The following PPP2R5C variants were observed in gnomAD, a reference collection of about 807,000 sequenced individuals.
PPP2R5C encodes serine/threonine-protein phosphatase 2A 56 kDa regulatory subunit gamma isoform.
PPP2R5C carries 7 observed loss-of-function variants against 68.9 expected under a neutral mutation model. The observed-to-expected ratio is 0.10, with a 90% CI of 0.06 to 0.19. PPP2R5C has a LOEUF of 0.19. Among genes scored for constraint, PPP2R5C ranks in the 10% least tolerant of loss-of-function variants. The pLI is 1.00. For missense variants in PPP2R5C, 348 were observed against 641.3 expected, an observed-to-expected ratio of 0.54 and a Z score of 4.94; for synonymous variants, 210 against 222.2, an observed-to-expected ratio of 0.95 and a Z score of 0.49.
At chr14:101,867,938 G>A (rs1396656604) in intron 2 of PPP2R5C, among the ~76,000 whole-genome samples, 4 of 152,056 alleles carry the variant, frequency 2.6e-5, no homozygotes, top group Admixed American at 6.5e-5. Flanking sequence ...TGACTTACAC[G>A]TTTTATGGGC....
At chr14:101,904,474 A>G (rs1164992410) in intron 9 of PPP2R5C, among the ~76,000 whole-genome samples, 1 of 152,192 alleles carries the variant, frequency 6.6e-6, no homozygotes, top group Non-Finnish European at 1.5e-5. Context: ...TTAAAGTACA[A>G]GGTATTGAAC....
At chr14:101,788,290 T>G (rs1428770688) in intron 3 of PPP2R5C, among the ~76,000 whole-genome samples, 2 of 152,224 alleles carry the variant, frequency 1.3e-5, no homozygotes, top group Non-Finnish European at 2.9e-5. Flanking sequence ...CTGAATTTGG[T>G]CAAATGCCAT....
At chr14:101,845,676 G>A (rs1259827009) in intron 1 of PPP2R5C, among the ~76,000 whole-genome samples, 2 of 152,158 alleles carry the variant, frequency 1.3e-5, no homozygotes, top group East Asian at 1.9e-4. Context: ...TTCTTCATAT[G>A]CAAATAAAAC....
intron 2 of PPP2R5C, among the ~76,000 whole-genome samples, chr14:101,776,337 A>G (rs1362247658): frequency 6.6e-6 from 1 of 152,110 alleles, no homozygotes; most frequent in Non-Finnish European, 1.5e-5. Context: ...GGAAGAATCA[A>G]GTCCTTTTTT....
intron 13 of PPP2R5C, among the ~76,000 whole-genome samples, chr14:101,924,581 T>TC (rs2047196739): frequency 6.6e-6 from 1 of 151,738 alleles, no homozygotes; most frequent in Non-Finnish European, 1.5e-5. Flanking sequence ...TAGCTGGGAT[T>TC]ACAGGCGCGC....
rs2046154721 is a variant in PPP2R5C, at chr14:101,908,005, A to C, written c.1151+1476A>C. Among the ~76,000 whole-genome samples, 3 of 152,304 alleles carry C rather than the reference A, an allele frequency of 2.0e-5. No individual in the cohort carries two copies. In the South Asian group the frequency reaches 6.2e-4, roughly 32 times the overall value. On this transcript the variant is annotated intron_variant, in intron 10 of 13. Transcript: ENST00000334743. ...AGAGAAGGGCAGGCAGATCAGAGTG[A>C]GGATGACTTTGGTTCACATTCCTGC...
chr14:101,780,708 G>A (rs1317939141), intron 2 of PPP2R5C, among the ~76,000 whole-genome samples: 1 of 152,172 alleles, frequency 6.6e-6, no homozygotes, highest in Non-Finnish European at 1.5e-5. Flanking sequence ...GTTCAGGCTG[G>A]ACTTTCCGGC....
At chr14:101,918,491 C>A (rs1426506686) in intron 13 of PPP2R5C, among the ~76,000 whole-genome samples, 87 of 46,226 alleles carry the variant, frequency 1.9e-3, no homozygotes, top group African/African-American at 8.5e-3. Flanking sequence ...CCCACCCCTC[C>A]CCCCACCCCT....
chr14:101,764,049 C>T (rs1425649973), intron 2 of PPP2R5C, among the ~76,000 whole-genome samples: 1 of 140,824 alleles, frequency 7.1e-6, no homozygotes, highest in Non-Finnish European at 1.6e-5. Flanking sequence ...ACTTGCGCGT[C>T]GGCCACTTGT....
chr14:101,890,217 G>A lies in PPP2R5C; in HGVS notation c.630-20G>A. The A allele has an allele frequency of 6.2e-7, 1 of 1,602,118 alleles. No homozygotes were observed. Among genetic ancestry groups the A allele is most frequent in the Middle Eastern group, 1.7e-4 (1 of 6,044 alleles). ...GGTTAGTTCAGTGTCTAATTCTAAT[G>A]GGAAAATTGTTTTTTCTAGGTTTAT... On this transcript the variant is annotated intron_variant, in intron 5 of 13. Transcript: ENST00000334743.
rs866009412 is a variant in PPP2R5C, at chr14:101,825,905, T to C, written c.94+15869T>C. Among the ~76,000 whole-genome samples, 30 of 151,976 alleles carry C rather than the reference T, an allele frequency of 2.0e-4. 1 individual carries two copies. The highest frequency in any genetic ancestry group is 7.0e-4 in the African/African-American group (29 of 41,382). Reference sequence around the variant, plus strand: ...TCCAAGAGAGGAGGCCTCTAGAGAATTGAGGGGGAACAATAAGTGACAAGC... The same window carrying C: ...TCCAAGAGAGGAGGCCTCTAGAGAACTGAGGGGGAACAATAAGTGACAAGC... On this transcript the variant is annotated intron_variant, in intron 1 of 13. Coordinates refer to ENST00000334743, the Ensembl canonical transcript of PPP2R5C. The surrounding 1 kb of genome is among the most constrained non-coding windows in gnomAD (Gnocchi z 4.0).
intron 2 of PPP2R5C, chr14:101,765,179 C>T (rs1566818275): frequency 1.4e-6 from 1 of 702,662 alleles, no homozygotes; most frequent in East Asian, 2.7e-5. Context: ...GCTGGAGCTA[C>T]AGAGCTTGAA....
At chr14:101,769,261 A>G (rs753266809) in intron 2 of PPP2R5C, among the ~76,000 whole-genome samples, 1 of 152,230 alleles carries the variant, frequency 6.6e-6, no homozygotes, top group South Asian at 2.1e-4. Flanking sequence ...GGCTGGCTGT[A>G]TGCAGTTCTG....
chr14:101,870,040 CTTTTTTTTTTTTT>C (rs141433870), intron 2 of PPP2R5C, among the ~76,000 whole-genome samples: 2 of 53,122 alleles, frequency 3.8e-5, no homozygotes, highest in Admixed American at 2.2e-4. Context: ...TTCAATTGGG[CTTTTTTTTTTTTT>C]TTTTTTTTTT....
intron 2 of PPP2R5C, among the ~76,000 whole-genome samples, chr14:101,864,957 G>C (rs922520695): frequency 6.6e-6 from 1 of 152,214 alleles, no homozygotes; most frequent in African/African-American, 2.4e-5. Flanking sequence ...AGAAGTGGTG[G>C]AATGAGCCAA....
chr14:101,794,017 G>A (rs1367893300), intron 3 of PPP2R5C, among the ~76,000 whole-genome samples: 2 of 152,176 alleles, frequency 1.3e-5, no homozygotes, highest in Non-Finnish European at 2.9e-5. Flanking sequence ...TGAGCCTGGG[G>A]TTTTTATGGG....
Position 101,776,926 on chromosome 14 carries a change from G to C in PPP2R5C, c.94-9092G>C, listed in dbSNP as rs527610615. On this transcript the variant is annotated intron_variant, in intron 2 of 14. Transcript: ENST00000328724. ...GATGGAGTCTTGCTCTGTCGCCCAGGCTGGAGTGCAATGGCGTGATCTCGG... is the reference window on the plus strand; with the variant it reads ...GATGGAGTCTTGCTCTGTCGCCCAGCCTGGAGTGCAATGGCGTGATCTCGG... 1.1e-4 allele frequency among the ~76,000 whole-genome samples: 16 copies of C among 149,904 alleles called. No homozygotes were observed. The South Asian group carries it at 3.2e-3, about 30-fold the overall frequency.
In PPP2R5C at chr14:101,913,709, C is replaced by A. The variant is rs1173178104; in HGVS notation, c.1326+1236C>A. On this transcript the variant is annotated intron_variant, in intron 12 of 13. Transcript: ENST00000334743. This position sits in a 1 kb window ranked among gnomAD's most constrained non-coding sequence, Gnocchi z 4.1. ...TTTTAAAACATGGTAACACTATAAA[C>A]CTGGGCAAGTTTATAAGGCCCAGCC... Among the ~76,000 whole-genome samples the A allele has an allele frequency of 6.6e-6, 1 of 152,184 alleles. No homozygotes were observed. The highest frequency in any genetic ancestry group is 1.9e-4 in the East Asian group (1 of 5,198).
rs1358281767 is a variant in PPP2R5C, at chr14:101,826,970, T to G, written c.94+16934T>G. On this transcript the variant is annotated intron_variant, in intron 1 of 13. Coordinates refer to ENST00000334743, the Ensembl canonical transcript of PPP2R5C. ...ATACTTAAGTGTAAAAATGTTTAAC[T>G]TTTTTTTTTTTTTTTTTTTTTTTGA... Among the ~76,000 whole-genome samples, 31 of 88,668 alleles carry G rather than the reference T, an allele frequency of 3.5e-4. No homozygotes were observed. The Admixed American group carries it at 3.7e-3, about 10-fold the overall frequency. The allele number at this position is 88,668 out of a possible 152,430, so 58.2% of individuals were successfully genotyped here.
Sources: allele counts gnomAD v4.1 joint callset (sites outside exome capture counted in the v4.1 genomes callset), GRCh38; gene constraint gnomAD v4.1.1; non-coding constraint Gnocchi (gnomAD v3.1); transcripts MANE v1.5; gene names NCBI Gene and HGNC (gene_info 2026-07-23, HGNC 2026-07-21).